PHF14: variants seen among roughly 807,000 people sequenced by gnomAD.
PHF14 encodes the protein PHD finger protein 14.
Under a neutral mutation model 117.9 loss-of-function variants are expected in PHF14, and 55 were observed. The ratio of observed to expected loss-of-function variants is 0.47; its 90% CI spans 0.38 to 0.58. The LOEUF (loss-of-function observed/expected upper bound fraction) is 0.58, where lower values mean the gene tolerates loss of function less well. Among genes scored for constraint, PHF14 ranks in the 20% least tolerant of loss-of-function variants. The pLI is 0.00. For synonymous variants in PHF14, 409 were observed against 368.6 expected, an observed-to-expected ratio of 1.11 and a Z score of -1.26; for missense variants, 978 against 1,122.2, an observed-to-expected ratio of 0.87 and a Z score of 1.84.
At chr7:10,977,207 A>G (rs541487737) in intron 2 of PHF14, among the ~76,000 whole-genome samples, 1 of 152,132 alleles carries the variant, frequency 6.6e-6, no homozygotes, top group African/African-American at 2.4e-5. Context: ...TCCCAGCCCT[A>G]CTTACGAATA....
At chr7:11,006,582 A>G (rs747429125) in intron 4 of PHF14, 29 of 603,214 alleles carry the variant, frequency 4.8e-5, no homozygotes, top group African/African-American at 7.4e-5. Flanking sequence ...CTCAGTGAAC[A>G]CAAGCATGTT....
At chr7:11,166,316 A>T (rs1190758882) in intron 17 of PHF14, among the ~76,000 whole-genome samples, 1 of 151,950 alleles carries the variant, frequency 6.6e-6, no homozygotes, top group Non-Finnish European at 1.5e-5. Flanking sequence ...CAGATGTCTT[A>T]TCTCAGCAGA....
At chr7:11,088,443 C>T (rs976871403) in intron 16 of PHF14, among the ~76,000 whole-genome samples, 8 of 151,534 alleles carry the variant, frequency 5.3e-5, no homozygotes, top group African/African-American at 1.9e-4. Flanking sequence ...GTCCTATTTC[C>T]CAACATGAGA....
At chr7:10,979,895 G>A (rs1781995025) in intron 2 of PHF14, among the ~76,000 whole-genome samples, 1 of 151,908 alleles carries the variant, frequency 6.6e-6, no homozygotes, top group African/African-American at 2.4e-5. Context: ...TGAGGGGTTG[G>A]GTAAGCTATT....
intron 13 of PHF14, among the ~76,000 whole-genome samples, chr7:11,046,498 G>T (rs1182595783): frequency 2.0e-5 from 3 of 152,014 alleles, no homozygotes; most frequent in African/African-American, 4.8e-5. Context: ...TTTACAGAGG[G>T]TTTTTTCCTT....
chr7:10,982,415 C>G lies in PHF14; in HGVS notation c.156C>G (p.Asp52Glu). 1 of 1,579,450 alleles carries G rather than the reference C, an allele frequency of 6.3e-7. No homozygotes were observed. Among genetic ancestry groups the G allele is most frequent in the Non-Finnish European group, 8.6e-7 (1 of 1,168,146 alleles). The change falls in exon 3 of 18, where the codon GAC becomes GAG. Residue 52 changes from aspartate (D) to glutamate (E), a missense_variant. This residue lies in a region of PHF14 where 414 missense variants were observed against 376.4 expected (regional missense o/e 1.10). Transcript: ENST00000634607. The stretch of plus-strand genomic sequence containing the variant: ...ATGGAAGTGAAGATGCTTCAAAGGA[C>G]AGTGGAGAAGGTTCCTGTAGTGATT... ...SGNGSEDASK[D>E]SGEGSCSDSE...
chr7:11,166,119 T>C (rs927226181), intron 17 of PHF14, among the ~76,000 whole-genome samples: 9 of 152,206 alleles, frequency 5.9e-5, no homozygotes, highest in African/African-American at 1.9e-4. Flanking sequence ...TCAGTGTATT[T>C]TTTTAGAGTA....
In PHF14 at chr7:11,061,950, C is replaced by T. The variant is rs1247094290; in HGVS notation, c.2533-14C>T. On this transcript the variant is annotated splice_polypyrimidine_tract_variant and intron_variant, in intron 15 of 17. Transcript: ENST00000634607. ...TGTTTGTTATGTTTTATTTTATTATCCCTTGTATGGCAGGAAAGAGTTCCT... is the reference window on the plus strand; with the variant it reads ...TGTTTGTTATGTTTTATTTTATTATTCCTTGTATGGCAGGAAAGAGTTCCT... 1 of 1,573,024 alleles carries T rather than the reference C, an allele frequency of 6.4e-7. No individual in the cohort carries two copies. Among genetic ancestry groups the T allele is most frequent in the Non-Finnish European group, 8.6e-7 (1 of 1,159,004 alleles).
At chr7:11,095,872 C>G (rs1786834356) in intron 16 of PHF14, among the ~76,000 whole-genome samples, 1 of 151,896 alleles carries the variant, frequency 6.6e-6, no homozygotes, top group Admixed American at 6.6e-5. Flanking sequence ...CTCTCATCAC[C>G]ATTGAAATTG....
intron 3 of PHF14, 84 bp from the exon 4 acceptor site, chr7:10,990,615 ATGTT>A (rs1782415695): frequency 2.7e-6 from 2 of 740,244 alleles, no homozygotes; most frequent in Non-Finnish European, 4.3e-6. Flanking sequence ...GCATATAATA[ATGTT>A]TAAGTAATAA....
chr7:11,012,927 G>C (rs1783402235), intron 4 of PHF14, among the ~76,000 whole-genome samples: 3 of 152,200 alleles, frequency 2.0e-5, no homozygotes, highest in South Asian at 4.1e-4. Context: ...TTTTCAAACT[G>C]TTCTATAGCT....
At chr7:11,033,936 T>C (rs1340339041) in intron 7 of PHF14, among the ~76,000 whole-genome samples, 1 of 152,180 alleles carries the variant, frequency 6.6e-6, no homozygotes, top group Admixed American at 6.5e-5. Context: ...TATGAAGTAA[T>C]TGTAAGTAAA....
chr7:11,087,529 G>A (rs1329265141), intron 16 of PHF14, among the ~76,000 whole-genome samples: 2 of 151,952 alleles, frequency 1.3e-5, no homozygotes, highest in South Asian at 2.1e-4. Context: ...TTTTGTTGTT[G>A]TTTTAGATAT....
Position 10,974,073 on chromosome 7 carries a change from A to G in PHF14, c.-251A>G, listed in dbSNP as rs181951461. 0.024 allele frequency: 10,953 copies of G among 461,620 alleles called. 174 individuals are homozygous for G. Among genetic ancestry groups the G allele is most frequent in the Middle Eastern group, 0.049 (81 of 1,650 alleles). 28.6% of individuals were successfully genotyped at this position (461,620 alleles called of 1,614,324 possible). On this transcript the variant is annotated 5_prime_UTR_variant, in exon 1 of 18. Transcript: ENST00000634607. ...GGGTTGACTGCGCTGCCTGGGCCGG[A>G]GGTCTTCTCCGGCCAGGGAGCGCTG...
chr7:11,066,577 A>G (rs923178293), intron 16 of PHF14, among the ~76,000 whole-genome samples: 1 of 152,190 alleles, frequency 6.6e-6, no homozygotes, highest in Non-Finnish European at 1.5e-5. Context: ...TATATGAGCT[A>G]TCTGAAATTA....
At chr7:11,092,545 A>G (rs1786678916) in intron 16 of PHF14, among the ~76,000 whole-genome samples, 1 of 120,484 alleles carries the variant, frequency 8.3e-6, no homozygotes, top group Non-Finnish European at 1.7e-5. Context: ...CCTGGATCTC[A>G]CTCTTGAAGA....
Position 11,091,485 on chromosome 7 carries a change from G to A in PHF14, c.2655-19865G>A, listed in dbSNP as rs1213484466. The stretch of plus-strand genomic sequence containing the variant: ...TAAATATAAAGAGGAGCTGCTTGCC[G>A]TTGCTCACGCCTGTAACCCCAGCAC... On this transcript the variant is annotated intron_variant, in intron 16 of 17. Coordinates refer to ENST00000634607, the MANE Select transcript of PHF14 (RefSeq NM_001007157.2). Among the ~76,000 whole-genome samples the A allele has an allele frequency of 2.0e-5, 3 of 152,114 alleles. No individual in the cohort carries two copies. The South Asian group carries it at 6.2e-4, about 31-fold the overall frequency.
intron 4 of PHF14, among the ~76,000 whole-genome samples, chr7:11,007,537 C>G (rs1332453773): frequency 4.6e-5 from 7 of 152,016 alleles, no homozygotes; most frequent in Non-Finnish European, 8.8e-5. Flanking sequence ...TTGCTAGAGT[C>G]TTTTGTTTTT....
At chr7:11,034,658 C>T (rs59328153) in intron 7 of PHF14, among the ~76,000 whole-genome samples, 1,947 of 146,648 alleles carry the variant, frequency 0.013, 42 homozygotes, top group African/African-American at 0.047. Flanking sequence ...AAGCAATTCT[C>T]CTACCTCAGC....
Sources: allele counts gnomAD v4.1 joint callset (sites outside exome capture counted in the v4.1 genomes callset), GRCh38; gene constraint gnomAD v4.1.1; regional missense constraint gnomAD v4.1.1; transcripts MANE v1.5; gene names NCBI Gene and HGNC (gene_info 2026-07-23, HGNC 2026-07-21).